RIMS2: variants seen among roughly 807,000 people sequenced by gnomAD.
The protein encoded by RIMS2 is regulating synaptic membrane exocytosis 2.
In RIMS2, 59 loss-of-function variants were observed where a neutral mutation model predicts 174.4. That is an observed-to-expected ratio of 0.34 (90% CI 0.27 to 0.42). The LOEUF (loss-of-function observed/expected upper bound fraction) is 0.42, where lower values mean the gene tolerates loss of function less well. Among genes scored for constraint, RIMS2 ranks in the 10% least tolerant of loss-of-function variants. The probability of loss-of-function intolerance (pLI) is 1.00; values close to 1 mark genes in which losing one functional copy is unlikely to be tolerated. For missense variants in RIMS2, 1,620 were observed against 1,666.3 expected (o/e 0.97, Z 0.48); for synonymous variants, 606 against 572.5 (o/e 1.06, Z -0.84).
intron 19 of RIMS2, among the ~76,000 whole-genome samples, chr8:104,106,037 C>CAAAAAAAAAAAAAAAAAAAAAAAAAAA (rs575916023): frequency 7.0e-5 from 4 of 56,914 alleles, no homozygotes; most frequent in African/African-American, 1.8e-4. Flanking sequence ...GACTCTGCCA[C>CAAAAAAAAAAAAAAAAAAAAAAAAAAA]AAAAAAAAAA....
chr8:103,834,038 C>G (rs2098842197), intron 3 of RIMS2, among the ~76,000 whole-genome samples: 1 of 152,066 alleles, frequency 6.6e-6, no homozygotes, highest in Non-Finnish European at 1.5e-5. Context: ...GAGACAGAGT[C>G]TTACTCTGTT....
Position 103,791,975 on chromosome 8 carries a change from C to T in RIMS2, c.698+25438C>T, listed in dbSNP as rs199868212. Among the ~76,000 whole-genome samples, 11 of 152,128 alleles carry T rather than the reference C, an allele frequency of 7.2e-5. No individual in the cohort carries two copies. The East Asian group carries it at 1.9e-3, about 27-fold the overall frequency. ...AGACTCCCACACAATAATAATGGGACACTTTAACACCCCACTGTCAACAAG... is the reference window on the plus strand; with the variant it reads ...AGACTCCCACACAATAATAATGGGATACTTTAACACCCCACTGTCAACAAG... On this transcript the variant is annotated intron_variant, in intron 3 of 23. Transcript: ENST00000504942.
At chr8:103,964,907 A>T (rs758423123) in intron 15 of RIMS2, among the ~76,000 whole-genome samples, 78 of 152,282 alleles carry the variant, frequency 5.1e-4, no homozygotes, top group Admixed American at 1.7e-3. Context: ...TGTTGAAAAG[A>T]CCATCATTGC....
chr8:103,835,055 G>A (rs1222967927), intron 3 of RIMS2, among the ~76,000 whole-genome samples: 1 of 151,360 alleles, frequency 6.6e-6, no homozygotes, highest in African/African-American at 2.4e-5. Flanking sequence ...ACAGGCATGA[G>A]CCCACTGCAT....
At chr8:104,154,770 CTGT>C (rs1394422854) in intron 19 of RIMS2, among the ~76,000 whole-genome samples, 6 of 152,156 alleles carry the variant, frequency 3.9e-5, no homozygotes, top group Admixed American at 1.3e-4. Context: ...TTTAAAGTAA[CTGT>C]TGTTATAACA....
At chr8:103,967,045 G>A (rs2154546756) in intron 15 of RIMS2, among the ~76,000 whole-genome samples, 1 of 151,518 alleles carries the variant, frequency 6.6e-6, no homozygotes, top group Non-Finnish European at 1.5e-5. Context: ...GTGAACTTGA[G>A]AAGAATGTAT....
intron 1 of RIMS2, among the ~76,000 whole-genome samples, chr8:103,626,951 G>T (rs1360557081): frequency 6.6e-6 from 1 of 152,160 alleles, no homozygotes; most frequent in Non-Finnish European, 1.5e-5. Flanking sequence ...TGCATGCATT[G>T]TCTTGATAAA....
intron 1 of RIMS2, among the ~76,000 whole-genome samples, chr8:103,608,679 G>A (rs1020506854): frequency 6.6e-6 from 1 of 151,992 alleles, no homozygotes; most frequent in Non-Finnish European, 1.5e-5. Context: ...CCATGTGCAG[G>A]ATATAATCTC....
In RIMS2 at chr8:103,909,717, T is replaced by C. The variant is rs573788962; in HGVS notation, c.1625-417T>C. Among the ~76,000 whole-genome samples the C allele has an allele frequency of 6.6e-5, 10 of 152,222 alleles. No individual in the cohort carries two copies. The East Asian group carries it at 1.9e-3, about 29-fold the overall frequency. ...TGCAAACCAATGTAAACTTTTTAAA[T>C]GTCCCTTAATCTTTGGAGAACAAAC... On this transcript the variant is annotated intron_variant, in intron 4 of 23. Coordinates refer to ENST00000504942, the Ensembl canonical transcript of RIMS2.
intron 2 of RIMS2, among the ~76,000 whole-genome samples, chr8:103,752,482 G>T (rs2139784902): frequency 6.6e-6 from 1 of 152,152 alleles, no homozygotes; most frequent in South Asian, 2.1e-4. Context: ...TTCCAATTCT[G>T]TGAAGAAAGT....
At chr8:103,781,210 A>G (rs2154433341) in intron 3 of RIMS2, among the ~76,000 whole-genome samples, 1 of 152,264 alleles carries the variant, frequency 6.6e-6, no homozygotes, top group East Asian at 1.9e-4. Context: ...AGTTGGGGGA[A>G]GTATTCCACA....
intron 3 of RIMS2, among the ~76,000 whole-genome samples, chr8:103,810,811 T>C (rs1163478336): frequency 1.3e-5 from 2 of 152,160 alleles, no homozygotes; most frequent in African/African-American, 4.8e-5. Context: ...TTTTTCATAG[T>C]GTAATGAGTA....
chr8:103,536,595 T>G (rs1031249030), intron 1 of RIMS2, among the ~76,000 whole-genome samples: 11 of 151,954 alleles, frequency 7.2e-5, no homozygotes, highest in Non-Finnish European at 7.4e-5. Context: ...TGGTGGAAGG[T>G]GAGGGGGAAG....
intron 1 of RIMS2, among the ~76,000 whole-genome samples, chr8:103,590,562 A>G (rs1365287): frequency 0.6 from 90,221 of 150,918 alleles, 27,273 homozygotes; most frequent in East Asian, 0.88. Flanking sequence ...AAAGAATTTT[A>G]TAGTGAACAC....
chr8:103,910,726 G>A (rs2075504662), intron 5 of RIMS2, among the ~76,000 whole-genome samples, 197 bp downstream of exon 8: 1 of 152,196 alleles, frequency 6.6e-6, no homozygotes, highest in Non-Finnish European at 1.5e-5. Context: ...TTGCTTTGCT[G>A]TTTTTATTGT....
At chr8:103,563,827 G>A (rs2091969175) in intron 1 of RIMS2, among the ~76,000 whole-genome samples, 1 of 152,192 alleles carries the variant, frequency 6.6e-6, no homozygotes, top group African/African-American at 2.4e-5. Flanking sequence ...CAGAAGGCAA[G>A]GAGGAAAAAG....
intron 1 of RIMS2, among the ~76,000 whole-genome samples, chr8:103,617,851 A>G (rs2095542117): frequency 6.6e-6 from 1 of 152,204 alleles, no homozygotes; most frequent in South Asian, 2.1e-4. Flanking sequence ...AAGTCAAAAA[A>G]TAGCAGATGC....
At chr8:103,521,166 A>G (rs1831471668) in intron 1 of RIMS2, among the ~76,000 whole-genome samples, 1 of 151,520 alleles carries the variant, frequency 6.6e-6, no homozygotes, top group Non-Finnish European at 1.5e-5. Flanking sequence ...GGATAGCATT[A>G]GGAGATATAC....
intron 17 of RIMS2, among the ~76,000 whole-genome samples, chr8:104,000,645 T>A (rs545954798): frequency 6.6e-6 from 1 of 152,004 alleles, no homozygotes; most frequent in South Asian, 2.1e-4. Flanking sequence ...CTGTTTTCTA[T>A]ACTGGTTGTA....
Sources: gnomAD v4.1 joint callset for allele counts (sites outside exome capture counted in the v4.1 genomes callset) on GRCh38, gnomAD v4.1.1 for gene constraint, MANE v1.5 for transcripts, NCBI Gene and HGNC (gene_info 2026-07-23, HGNC 2026-07-21) for gene names.